The following CNTN4 variants were observed in gnomAD, a reference collection of about 807,000 sequenced individuals.
CNTN4 encodes contactin 4.
Under a neutral mutation model 122.5 loss-of-function variants are expected in CNTN4, and 77 were observed. That is an observed-to-expected ratio of 0.63 (90% confidence interval 0.52 to 0.76). The LOEUF (loss-of-function observed/expected upper bound fraction) is 0.76, where lower values mean the gene tolerates loss of function less well. Among genes scored for constraint, CNTN4 ranks in the 30% least tolerant of loss-of-function variants. CNTN4 has a pLI of 0.00. For missense variants in CNTN4, 1,256 were observed against 1,259.1 expected, an observed-to-expected ratio of 1.00 and a Z score of 0.04; for synonymous variants, 512 against 447.0, an observed-to-expected ratio of 1.15 and a Z score of -1.83.
chr3:2,703,867 ATG>A (rs1310097500), intron 4 of CNTN4, among the ~76,000 whole-genome samples: 1 of 152,140 alleles, frequency 6.6e-6, no homozygotes, highest in African/African-American at 2.4e-5. Flanking sequence ...ACACTACAAA[ATG>A]TGTTTAAAAG....
At chr3:2,741,459 A>T (rs1356556617) in intron 5 of CNTN4, among the ~76,000 whole-genome samples, 1 of 152,210 alleles carries the variant, frequency 6.6e-6, no homozygotes, top group Non-Finnish European at 1.5e-5. Flanking sequence ...ATTAGGGTGA[A>T]CATGTAATTT....
At position 3,037,735 on chromosome 3, in the gene CNTN4, T is replaced by C. The variant is rs887222940; in HGVS notation, c.2092+407T>C. The C allele has an allele frequency of 4.4e-5, 12 of 271,388 alleles. No individual in the cohort carries two copies. The South Asian group carries it at 5.0e-4, about 11-fold the overall frequency. 16.8% of individuals were successfully genotyped at this position (271,388 alleles called of 1,614,324 possible). On this transcript the variant is annotated intron_variant, in intron 18 of 24. Transcript: ENST00000418658. ...GGACACAGCCACCATGGGGTAATCC[T>C]GTTTAGAATAGAAATAAAAAATAAT... is the stretch of plus-strand genomic sequence containing the variant.
chr3:2,289,717 T>TG (rs1187509873), intron 2 of CNTN4, among the ~76,000 whole-genome samples: 5 of 152,190 alleles, frequency 3.3e-5, no homozygotes, highest in Non-Finnish European at 4.4e-5. Context: ...AATAAGATAA[T>TG]GAAGAATGAA....
intron 3 of CNTN4, among the ~76,000 whole-genome samples, chr3:2,533,849 T>C (rs1296744208): frequency 2.0e-5 from 3 of 152,232 alleles, no homozygotes; most frequent in Non-Finnish European, 2.9e-5. Context: ...TTTGCATTTC[T>C]TTGATGACCA....
chr3:2,883,042 C>T lies in CNTN4; in HGVS notation c.653-103C>T, dbSNP rs148052844. ...TTTAAATGAAGGAATTAATTGTGCACATAATGATGTGTATAAGCATTCTGC... is the reference window on the plus strand; with the variant it reads ...TTTAAATGAAGGAATTAATTGTGCATATAATGATGTGTATAAGCATTCTGC... On this transcript the variant is annotated intron_variant, in intron 8 of 24. Transcript: ENST00000418658. 5.0e-3 allele frequency: 3,864 copies of T among 775,900 alleles called. 16 individuals are homozygous for T. Among genetic ancestry groups the T allele is most frequent in the Non-Finnish European group, 7.1e-3 (3,204 of 452,160 alleles). 48.1% of individuals were successfully genotyped at this position (775,900 alleles called of 1,614,324 possible). A position where few individuals can be genotyped will look rare whatever the true frequency, so the allele number is the denominator to read the frequency against.
intron 2 of CNTN4, among the ~76,000 whole-genome samples, chr3:2,211,551 TA>T (rs1345897834): frequency 2.0e-5 from 3 of 152,172 alleles, no homozygotes; most frequent in Non-Finnish European, 4.4e-5. Context: ...AAACCCCTTT[TA>T]AAAAATTTTC....
chr3:2,608,239 A>C (rs2149801392), intron 4 of CNTN4, among the ~76,000 whole-genome samples: 1 of 152,358 alleles, frequency 6.6e-6, no homozygotes, highest in Middle Eastern at 3.4e-3. Flanking sequence ...AGGCAGAGAA[A>C]AAGAATTGTC....
At chr3:2,405,965 T>G (rs1433824892) in intron 3 of CNTN4, among the ~76,000 whole-genome samples, 2 of 151,702 alleles carry the variant, frequency 1.3e-5, no homozygotes, top group African/African-American at 4.8e-5. Context: ...AGGTCAAGGT[T>G]GTAGTGAGTG....
At chr3:2,846,151 T>G (rs577173024) in intron 7 of CNTN4, among the ~76,000 whole-genome samples, 1 of 152,332 alleles carries the variant, frequency 6.6e-6, no homozygotes, top group South Asian at 2.1e-4. Context: ...GCCCAGCATT[T>G]TCAACCCAGT....
chr3:2,407,459 T>C (rs2047079353), intron 3 of CNTN4, among the ~76,000 whole-genome samples: 1 of 152,112 alleles, frequency 6.6e-6, no homozygotes, highest in South Asian at 2.1e-4. Flanking sequence ...CTGATAACTC[T>C]CAGAACAGAA....
chr3:3,016,332 ATTAC>A (rs1464193190), intron 14 of CNTN4, among the ~76,000 whole-genome samples: 1 of 152,130 alleles, frequency 6.6e-6, no homozygotes, highest in Non-Finnish European at 1.5e-5. Flanking sequence ...CTCTTCTGTT[ATTAC>A]TTGCTATTTT....
intron 2 of CNTN4, among the ~76,000 whole-genome samples, chr3:2,275,398 A>G (rs893675084): frequency 3.3e-5 from 5 of 152,190 alleles, no homozygotes; most frequent in African/African-American, 9.6e-5. Context: ...TCGGCACTAC[A>G]GTTTTTATTT....
At chr3:2,249,500 C>T (rs766194363) in intron 2 of CNTN4, among the ~76,000 whole-genome samples, 18 of 151,914 alleles carry the variant, frequency 1.2e-4, no homozygotes, top group Non-Finnish European at 2.4e-4. Context: ...GGCAGACTCA[C>T]TTATTTTTGG....
chr3:2,927,194 A>G (rs2094480973), intron 13 of CNTN4: 1 of 362,282 alleles, frequency 2.8e-6, no homozygotes, highest in South Asian at 2.2e-5. Context: ...TAAAGTTATA[A>G]TAACACTGTA....
At chr3:2,776,205 C>T (rs1559490495) in intron 6 of CNTN4, among the ~76,000 whole-genome samples, 3 of 150,914 alleles carry the variant, frequency 2.0e-5, no homozygotes, top group Non-Finnish European at 2.9e-5. Flanking sequence ...GGAAGATGAG[C>T]AGGATTACAT....
At chr3:2,555,348 A>T (rs188644416) in intron 3 of CNTN4, among the ~76,000 whole-genome samples, 1 of 152,288 alleles carries the variant, frequency 6.6e-6, no homozygotes, top group Non-Finnish European at 1.5e-5. Context: ...CTCGGTAATT[A>T]AATCCATTGT....
intron 4 of CNTN4, among the ~76,000 whole-genome samples, chr3:2,662,104 T>C (rs77754241): frequency 0.036 from 5,532 of 152,288 alleles, 143 homozygotes; most frequent in Non-Finnish European, 0.05. Flanking sequence ...CCAGAATTCA[T>C]AGAGCTCACA....
intron 3 of CNTN4, among the ~76,000 whole-genome samples, chr3:2,412,498 C>T (rs529344205): frequency 6.6e-5 from 10 of 152,240 alleles, no homozygotes; most frequent in Non-Finnish European, 1.3e-4. Context: ...GGTGATTTGC[C>T]CTCCTCAGCC....
intron 7 of CNTN4, among the ~76,000 whole-genome samples, chr3:2,823,157 G>T (rs1470930445): frequency 6.6e-6 from 1 of 152,168 alleles, no homozygotes; most frequent in African/African-American, 2.4e-5. Flanking sequence ...TCACCCTAAA[G>T]CGAGAAGAAT....
Sources: allele counts gnomAD v4.1 joint callset (sites outside exome capture counted in the v4.1 genomes callset), GRCh38; gene constraint gnomAD v4.1.1; transcripts MANE v1.5; gene names NCBI Gene and HGNC (gene_info 2026-07-23, HGNC 2026-07-21).